The following TSHR variants were observed in gnomAD, a reference collection of about 807,000 sequenced individuals.
TSHR encodes the protein thyrotropin receptor.
A neutral mutation model predicts 64.1 loss-of-function variants in TSHR; 51 were observed. The ratio of observed to expected loss-of-function variants is 0.80; its 90% CI spans 0.64 to 1.01. TSHR has a LOEUF of 1.01. Among genes scored for constraint, TSHR ranks in the 50% least tolerant of loss-of-function variants. The pLI, the probability that TSHR is intolerant of heterozygous loss-of-function variation, is 0.00. For missense variants in TSHR, 877 were observed against 942.8 expected (o/e 0.93, Z 0.91); for synonymous variants, 361 against 361.9 (o/e 1.00, Z 0.03).
chr14:81,130,584 T>G (rs1891196519), intron 8 of TSHR, among the ~76,000 whole-genome samples: 1 of 152,214 alleles, frequency 6.6e-6, no homozygotes, highest in Non-Finnish European at 1.5e-5. Context: ...TTTTTATCTA[T>G]ATCTTCATTC....
At chr14:81,037,419 C>CAAAAAAAAAAAAAAAAAAAAAAAAAAAA (rs748986847) in intron 1 of TSHR, among the ~76,000 whole-genome samples, 2 of 99,060 alleles carry the variant, frequency 2.0e-5, no homozygotes, top group African/African-American at 3.8e-5. Context: ...AAAGGAAATA[C>CAAAAAAAAAAAAAAAAAAAAAAAAAAAA]AAAACAAACA....
chr14:81,134,466 C>T (rs1891374771), intron 8 of TSHR, among the ~76,000 whole-genome samples: 1 of 138,902 alleles, frequency 7.2e-6, no homozygotes, highest in Non-Finnish European at 1.6e-5. Context: ...GAACAGAACA[C>T]AAGAAAGTGC....
At chr14:80,965,154 G>C (rs1045347267) in intron 1 of TSHR, among the ~76,000 whole-genome samples, 2 of 152,168 alleles carry the variant, frequency 1.3e-5, no homozygotes, top group Non-Finnish European at 2.9e-5. Flanking sequence ...AATTGATCAT[G>C]GGTTCATATT....
intron 1 of TSHR, among the ~76,000 whole-genome samples, chr14:81,019,799 T>A (rs1164090871): frequency 6.6e-6 from 1 of 152,224 alleles, no homozygotes; most frequent in African/African-American, 2.4e-5. Flanking sequence ...TCATCCTTTT[T>A]TATGGATGCA....
In TSHR at chr14:81,143,161, A is replaced by C. The variant is rs761830770; in HGVS notation, c.1103A>C (p.Gln368Pro). The change falls in exon 10 of 10, where the codon CAG (glutamine) becomes CCG (proline). Residue 368 changes from glutamine (Q) to proline (P), a missense_variant. Physicochemically the swap from Gln to Pro is moderately conservative, Grantham distance 76. Coordinates refer to ENST00000298171, the MANE Select transcript of TSHR (RefSeq NM_000369.5). ...EQEDEIIGFG[Q>P]ELKNPQEETL... ...GAGGATGAGATCATTGGTTTTGGCC[A>C]GGAGCTCAAAAACCCCCAGGAAGAG... 1 of 1,614,190 alleles carries C rather than the reference A, an allele frequency of 6.2e-7. No homozygotes were observed. The highest frequency in any genetic ancestry group is 8.5e-7 in the Non-Finnish European group (1 of 1,180,014).
intron 1 of TSHR, among the ~76,000 whole-genome samples, chr14:80,958,841 T>C (rs563696842): frequency 6.6e-6 from 1 of 152,280 alleles, no homozygotes; most frequent in Non-Finnish European, 1.5e-5. Context: ...TTATTCAGAG[T>C]GTACCTCTTT....
In TSHR at chr14:81,033,559, T is replaced by TG. The variant is rs201499884; in HGVS notation, c.171-28589_171-28588insG. ...ATCAGTGGTAAGTTAAAATCAGGGTTTTTTTTTTTTTCTTTTTATCAGAAG... is the reference window on the plus strand; with the variant it reads ...ATCAGTGGTAAGTTAAAATCAGGGTTGTTTTTTTTTTTCTTTTTATCAGAAG... On this transcript the variant is annotated intron_variant, in intron 1 of 9. Coordinates refer to ENST00000298171, the MANE Select transcript of TSHR (RefSeq NM_000369.5). 1.4e-3 allele frequency among the ~76,000 whole-genome samples: 156 copies of TG among 114,118 alleles called. 3 individuals are homozygous for TG. In the South Asian group the frequency reaches 0.015, roughly 11 times the overall value. 74.9% of individuals were successfully genotyped at this position (114,118 alleles called of 152,430 possible).
intron 1 of TSHR, chr14:80,994,319 A>G (rs1260291860): frequency 1.3e-5 from 2 of 152,140 alleles, no homozygotes; most frequent in African/African-American, 2.4e-5. Flanking sequence ...TATAGATTCA[A>G]TGCTATTCCC....
intron 3 of TSHR, among the ~76,000 whole-genome samples, chr14:81,070,880 C>A (rs1026234522): frequency 2.0e-5 from 3 of 152,024 alleles, no homozygotes; most frequent in African/African-American, 7.2e-5. Flanking sequence ...ATTAAAGGAA[C>A]TACTAATGGG....
chr14:81,104,630 G>GA (rs1261917254), intron 7 of TSHR: 4 of 985,294 alleles, frequency 4.1e-6, no homozygotes, highest in Non-Finnish European at 4.8e-6. Context: ...GAGTCCAACA[G>GA]AAAAGGGCGT....
chr14:81,043,356 A>T, intron 1 of TSHR, among the ~76,000 whole-genome samples: 1 of 152,130 alleles, frequency 6.6e-6, no homozygotes, highest in Admixed American at 6.5e-5. Context: ...AAAAGAATAA[A>T]ATACCTAAGA....
intron 1 of TSHR, among the ~76,000 whole-genome samples, chr14:80,956,715 G>A (rs1464351280): frequency 1.3e-5 from 2 of 152,154 alleles, no homozygotes; most frequent in African/African-American, 2.4e-5. Flanking sequence ...AGAAAATGTT[G>A]ATAGATGAAA....
At chr14:81,115,524 A>T (rs1170801929) in intron 8 of TSHR, among the ~76,000 whole-genome samples, 1 of 148,496 alleles carries the variant, frequency 6.7e-6, no homozygotes, top group Non-Finnish European at 1.5e-5. Context: ...GAAATATGGG[A>T]CTATGTGAAA....
intron 7 of TSHR, among the ~76,000 whole-genome samples, chr14:81,108,095 T>C (rs937870421): frequency 6.6e-6 from 1 of 151,984 alleles, no homozygotes; most frequent in African/African-American, 2.4e-5. Context: ...GCCTGAAAAA[T>C]AGGGAATTAA....
At chr14:81,059,235 G>C (rs184495948) in intron 1 of TSHR, among the ~76,000 whole-genome samples, 151 of 152,154 alleles carry the variant, frequency 9.9e-4, no homozygotes, top group Non-Finnish European at 1.2e-3. Flanking sequence ...TTCTTTATTT[G>C]AAGGGAAATA....
At chr14:81,108,588 G>T (rs1890070461) in intron 8 of TSHR, 136 bp downstream of exon 8, 1 of 1,612,614 alleles carries the variant, frequency 6.2e-7, no homozygotes, top group Non-Finnish European at 8.5e-7. Flanking sequence ...GCTTCTGCAA[G>T]TCCCTCTTTT....
At chr14:81,091,424 A>G (rs1208466728) in intron 5 of TSHR, among the ~76,000 whole-genome samples, 1 of 152,224 alleles carries the variant, frequency 6.6e-6, no homozygotes, top group Non-Finnish European at 1.5e-5. Flanking sequence ...AGAAAGAGTT[A>G]CCATAATTAA....
intron 1 of TSHR, chr14:81,053,095 A>G (rs773041011): frequency 6.6e-6 from 1 of 152,180 alleles, no homozygotes; most frequent in Non-Finnish European, 1.5e-5. Context: ...AGTCCTGAGA[A>G]CCAAGAGAGC....
chr14:81,113,667 T>C (rs945537960), intron 8 of TSHR, among the ~76,000 whole-genome samples: 4 of 151,870 alleles, frequency 2.6e-5, no homozygotes, highest in Admixed American at 6.6e-5. Flanking sequence ...GTAGGAAAGG[T>C]GATCATGTGA....
Sources: gnomAD v4.1 joint callset for allele counts (sites outside exome capture counted in the v4.1 genomes callset) on GRCh38, gnomAD v4.1.1 for gene constraint, MANE v1.5 for transcripts, NCBI Gene and HGNC (gene_info 2026-07-23, HGNC 2026-07-21) for gene names.